Variants in FRMD4A observed in about 807,000 individuals in gnomAD.
FRMD4A encodes the protein FERM domain-containing protein 4A.
Under a neutral mutation model 129.1 loss-of-function variants are expected in FRMD4A, and 29 were observed. The ratio of observed to expected loss-of-function variants is 0.22; its 90% CI spans 0.17 to 0.31. FRMD4A has a LOEUF of 0.31. FRMD4A is among the 10% of genes least tolerant of loss of function. The probability of loss-of-function intolerance (pLI) is 1.00; values close to 1 mark genes in which losing one functional copy is unlikely to be tolerated. For missense variants in FRMD4A, 1,272 were observed against 1,375.8 expected (o/e 0.92, Z 1.19); for synonymous variants, 634 against 571.6 (o/e 1.11, Z -1.56).
chr10:13,874,009 G>A (rs898545473), intron 2 of FRMD4A, among the ~76,000 whole-genome samples: 5 of 151,524 alleles, frequency 3.3e-5, no homozygotes, highest in Admixed American at 6.6e-5. Flanking sequence ...CACTTTGGGA[G>A]GCCGAGGCAG....
At chr10:14,230,298 G>A (rs756414772) in intron 2 of FRMD4A, among the ~76,000 whole-genome samples, 2 of 152,180 alleles carry the variant, frequency 1.3e-5, no homozygotes, top group African/African-American at 2.4e-5. Flanking sequence ...GGTTAAGAAC[G>A]TGGAATCTGG....
intron 6 of FRMD4A, among the ~76,000 whole-genome samples, chr10:13,779,141 A>G (rs1255264359): frequency 6.6e-6 from 1 of 151,968 alleles, no homozygotes; most frequent in Non-Finnish European, 1.5e-5. Context: ...ACACGGTGAA[A>G]CCCCATCTCT....
At chr10:13,867,142 C>G (rs1330429734) in intron 2 of FRMD4A, among the ~76,000 whole-genome samples, 1 of 152,216 alleles carries the variant, frequency 6.6e-6, no homozygotes, top group African/African-American at 2.4e-5. Flanking sequence ...CATTACATCT[C>G]TAGACTTGTT....
At chr10:13,777,911 T>C (rs547150121) in intron 6 of FRMD4A, among the ~76,000 whole-genome samples, 1 of 149,238 alleles carries the variant, frequency 6.7e-6, no homozygotes, top group South Asian at 2.2e-4. Context: ...CAAGCAATTC[T>C]CCTGAGTGAG....
Position 14,257,037 on chromosome 10 carries a change from T to C in FRMD4A, c.45+73021A>G, listed in dbSNP as rs550324031. ...AAAATTTACTCTAGATTTTTGAAAG[T>C]TAATTAACTGGCTGGGTGTAGTGGC... is the stretch of plus-strand genomic sequence containing the variant. On this transcript the variant is annotated intron_variant, in intron 2 of 24. Transcript: ENST00000357447. Among the ~76,000 whole-genome samples, 3 of 152,164 alleles carry C rather than the reference T, an allele frequency of 2.0e-5. No homozygotes were observed. In the South Asian group the frequency reaches 6.2e-4, roughly 32 times the overall value.
chr10:13,963,335 A>G (rs1227389032), intron 2 of FRMD4A, among the ~76,000 whole-genome samples: 7 of 148,322 alleles, frequency 4.7e-5, no homozygotes. Context: ...CCAAGCCCAC[A>G]CCATATGTAG....
At chr10:13,771,984 C>T (rs2092468153) in intron 6 of FRMD4A, among the ~76,000 whole-genome samples, 1 of 151,336 alleles carries the variant, frequency 6.6e-6, no homozygotes, top group Admixed American at 6.6e-5. Context: ...TGTGGTGTCG[C>T]ATGCCCATAG....
At chr10:14,230,414 G>A (rs1010645939) in intron 2 of FRMD4A, among the ~76,000 whole-genome samples, 3 of 152,134 alleles carry the variant, frequency 2.0e-5, no homozygotes, top group African/African-American at 7.2e-5. Flanking sequence ...TTTTGAAATA[G>A]GAATAAAAAT....
At chr10:14,117,887 G>C (rs1417728421) in intron 2 of FRMD4A, among the ~76,000 whole-genome samples, 1 of 152,098 alleles carries the variant, frequency 6.6e-6, no homozygotes, top group African/African-American at 2.4e-5. Context: ...TGGGCAATAT[G>C]GGCACCTATA....
intron 2 of FRMD4A, among the ~76,000 whole-genome samples, chr10:14,004,198 C>G (rs557868141): frequency 6.6e-6 from 1 of 152,186 alleles, no homozygotes; most frequent in Non-Finnish European, 1.5e-5. Flanking sequence ...TAAAGGATCT[C>G]CCCAGGAGAC....
At chr10:14,261,142 C>T (rs551708489) in intron 2 of FRMD4A, among the ~76,000 whole-genome samples, 4 of 152,192 alleles carry the variant, frequency 2.6e-5, no homozygotes, top group African/African-American at 9.7e-5. Context: ...AGTACCCAAT[C>T]CTTCCTTCCC....
At chr10:14,325,577 C>T (rs530493651) in intron 2 of FRMD4A, among the ~76,000 whole-genome samples, 14 of 152,228 alleles carry the variant, frequency 9.2e-5, no homozygotes, top group Non-Finnish European at 2.1e-4. Context: ...GAGTTAGGCA[C>T]TGTTTTGTTA....
chr10:13,702,060 C>T (rs893796374), intron 13 of FRMD4A, among the ~76,000 whole-genome samples: 80 of 152,078 alleles, frequency 5.3e-4, no homozygotes, highest in African/African-American at 1.9e-3. Flanking sequence ...ATTCCCCCAA[C>T]GTCTGTCGAT....
chr10:14,305,635 G>A (rs1846324519), intron 2 of FRMD4A, among the ~76,000 whole-genome samples: 1 of 152,060 alleles, frequency 6.6e-6, no homozygotes, highest in African/African-American at 2.4e-5. Context: ...TCTACAGAGA[G>A]TGAGACTCTA....
intron 2 of FRMD4A, among the ~76,000 whole-genome samples, chr10:14,187,234 T>C (rs949139013): frequency 6.6e-6 from 1 of 152,146 alleles, no homozygotes; most frequent in Non-Finnish European, 1.5e-5. Context: ...AGCAATGATG[T>C]GATTTCTTAA....
intron 2 of FRMD4A, among the ~76,000 whole-genome samples, chr10:14,284,808 T>A (rs574785301): frequency 1.4e-4 from 22 of 152,296 alleles, no homozygotes; most frequent in South Asian, 1.2e-3. Flanking sequence ...ATAGCTCCAG[T>A]CCTCATTCGT....
intron 2 of FRMD4A, among the ~76,000 whole-genome samples, chr10:13,879,210 G>A (rs112211538): frequency 6.6e-6 from 1 of 152,228 alleles, no homozygotes; most frequent in African/African-American, 2.4e-5. Flanking sequence ...ACCAGCCTGG[G>A]CAACACAGTG....
chr10:14,110,267 T>C (rs1055498424), intron 2 of FRMD4A, among the ~76,000 whole-genome samples: 2 of 149,744 alleles, frequency 1.3e-5, no homozygotes, highest in African/African-American at 2.5e-5. Context: ...AAGGATTTTA[T>C]AAAAAGGTCA....
chr10:14,055,998 G>T (rs756916406), intron 2 of FRMD4A, among the ~76,000 whole-genome samples: 1 of 152,016 alleles, frequency 6.6e-6, no homozygotes, highest in Non-Finnish European at 1.5e-5. Context: ...GCAGTGGCGC[G>T]ATCTCGGCTC....
Sources: gnomAD v4.1 joint callset for allele counts (sites outside exome capture counted in the v4.1 genomes callset) on GRCh38, gnomAD v4.1.1 for gene constraint, MANE v1.5 for transcripts, NCBI Gene and HGNC (gene_info 2026-07-23, HGNC 2026-07-21) for gene names.